The following SLC7A6 variants were observed in gnomAD, a reference collection of about 807,000 sequenced individuals.
The protein encoded by SLC7A6 is Y+L amino acid transporter 2.
In SLC7A6, 29 loss-of-function variants were observed where a neutral mutation model predicts 46.6. The ratio of observed to expected loss-of-function variants is 0.62; its 90% confidence interval spans 0.46 to 0.85. SLC7A6 has a LOEUF of 0.85. Ranked by LOEUF, SLC7A6 falls within the 40% of genes least tolerant of loss-of-function variation. SLC7A6 has a pLI of 0.00. For missense variants in SLC7A6, 527 were observed against 647.6 expected, an observed-to-expected ratio of 0.81 and a Z score of 2.02; for synonymous variants, 276 against 257.3, an observed-to-expected ratio of 1.07 and a Z score of -0.70.
chr16:68,281,063 C>G (rs975431916), intron 3 of SLC7A6, among the ~76,000 whole-genome samples: 2 of 152,204 alleles, frequency 1.3e-5, no homozygotes, highest in Non-Finnish European at 2.9e-5. Flanking sequence ...GGAGTATGGA[C>G]TCCCCAGTCC....
At chr16:68,290,854 G>A (rs957708713) in intron 5 of SLC7A6, 10 of 477,074 alleles carry the variant, frequency 2.1e-5, no homozygotes, top group Admixed American at 3.4e-5. Context: ...ACTACAGCCC[G>A]CAGAACCAAA....
intron 3 of SLC7A6, among the ~76,000 whole-genome samples, chr16:68,286,273 A>G (rs1172959774): frequency 1.3e-5 from 2 of 152,052 alleles, no homozygotes; most frequent in Non-Finnish European, 2.9e-5. Context: ...CAGGAATGCC[A>G]TGTGGTTCAG....
At chr16:68,278,191 G>A (rs913478035) in intron 3 of SLC7A6, among the ~76,000 whole-genome samples, 2 of 151,966 alleles carry the variant, frequency 1.3e-5, no homozygotes, top group Non-Finnish European at 2.9e-5. Context: ...TCTTGACCTC[G>A]TGATCCGCCT....
chr16:68,277,232 G>A (rs2042728168), intron 3 of SLC7A6, among the ~76,000 whole-genome samples: 1 of 151,002 alleles, frequency 6.6e-6, no homozygotes, highest in Admixed American at 6.6e-5. Context: ...GATTACAGGC[G>A]CCCACCACCA....
chr16:68,282,623 A>ATT (rs111778880), intron 3 of SLC7A6, among the ~76,000 whole-genome samples: 5,521 of 137,218 alleles, frequency 0.04, 320 homozygotes, highest in African/African-American at 0.13. Context: ...TTCCTTCCAC[A>ATT]TTTTTTTTTT....
chr16:68,288,743 A>T (rs905496741), intron 4 of SLC7A6, among the ~76,000 whole-genome samples: 9 of 151,874 alleles, frequency 5.9e-5, no homozygotes, highest in Admixed American at 3.3e-4. Context: ...AGGTGGGCGA[A>T]TCAGCAGGTC....
At chr16:68,271,884 C>T (rs957216323) in intron 2 of SLC7A6, among the ~76,000 whole-genome samples, 3 of 152,038 alleles carry the variant, frequency 2.0e-5, no homozygotes, top group Non-Finnish European at 4.4e-5. Context: ...TCACTGCAAC[C>T]TCCGCCTCCC....
At chr16:68,293,703 G>A (rs529922175) in intron 7 of SLC7A6, among the ~76,000 whole-genome samples, 3 of 152,138 alleles carry the variant, frequency 2.0e-5, no homozygotes, top group South Asian at 2.1e-4. Context: ...AAGAGGCCAC[G>A]CTCTTTCATA....
chr16:68,294,937 C>T, intron 8 of SLC7A6, 136 bp downstream of exon 8: 1 of 609,320 alleles, frequency 1.6e-6, no homozygotes, highest in East Asian at 2.9e-5. Flanking sequence ...TTTTTGTTGT[C>T]ATTTAATTCT....
chr16:68,296,385 C>G lies in SLC7A6; in HGVS notation c.1141C>G (p.Leu381Val). The G allele has an allele frequency of 6.2e-7, 1 of 1,614,036 alleles. No homozygotes were observed. Among genetic ancestry groups the G allele is most frequent in the Non-Finnish European group, 8.5e-7 (1 of 1,180,036 alleles). Residue 381 changes from leucine to valine, a missense_variant, in exon 9 of 11, where the codon CTC becomes GTC. Transcript: ENST00000219343. ...LFNCTMALIY[L>V]IVEDVFQLIN... ...ACAGTGCACCATGGCACTCATCTACCTCATCGTGGAGGATGTTTTCCAGCT... is the reference window on the plus strand; with the variant it reads ...ACAGTGCACCATGGCACTCATCTACGTCATCGTGGAGGATGTTTTCCAGCT...
intron 7 of SLC7A6, chr16:68,292,021 G>C: frequency 4.3e-6 from 1 of 234,840 alleles, no homozygotes; most frequent in Non-Finnish European, 8.4e-6. Context: ...GTTTCCATCT[G>C]AGATGAGGAC....
chr16:68,296,468 G>A lies in SLC7A6; in HGVS notation c.1224G>A (p.Gln408=), dbSNP rs1452941630. Residue 408 remains glutamine, a synonymous_variant, in exon 9 of 11, where the codon CAG becomes CAA. Coordinates refer to ENST00000219343, the MANE Select transcript of SLC7A6 (RefSeq NM_003983.6). ...WFFVGLSVVG[Q]LYLRWKEPKR... ...TCGTGGGCCTGTCTGTTGTTGGACA[G>A]CTCTACCTCCGCTGGAAGGAGCCCA... 2.5e-6 allele frequency: 4 copies of A among 1,614,158 alleles called. No individual in the cohort carries two copies. The highest frequency in any genetic ancestry group is 2.2e-5 in the South Asian group (2 of 91,088).
rs184627807 is a variant in SLC7A6, at chr16:68,277,969, T to C, written c.523+2720T>C. Among the ~76,000 whole-genome samples, 7 of 150,920 alleles carry C rather than the reference T, an allele frequency of 4.6e-5. No individual in the cohort carries two copies. In the East Asian group the frequency reaches 1.4e-3, roughly 30 times the overall value. On this transcript the variant is annotated intron_variant, in intron 3 of 10. Coordinates refer to ENST00000219343, the MANE Select transcript of SLC7A6 (RefSeq NM_003983.6). The stretch of plus-strand genomic sequence containing the variant: ...TATTTTTCTTTTTTGAGACCGAGTC[T>C]TGCTCTGTCGCCTAGGCTGGAGTAC...
In SLC7A6 at chr16:68,297,552, C is replaced by A; in HGVS notation, c.*224C>A. Reference sequence around the variant, plus strand: ...AGAGGGTGGGGGGAAGATTGGGGAACGGGGGGAATGGTCATTTAGTTTTAC... The same window carrying A: ...AGAGGGTGGGGGGAAGATTGGGGAAAGGGGGGAATGGTCATTTAGTTTTAC... On this transcript the variant is annotated 3_prime_UTR_variant, in exon 11 of 11. Transcript: ENST00000219343. 8.5e-6 allele frequency: 3 copies of A among 351,792 alleles called. No individual in the cohort carries two copies. Among genetic ancestry groups the A allele is most frequent in the South Asian group, 7.4e-5 (1 of 13,514 alleles). 21.8% of individuals were successfully genotyped at this position (351,792 alleles called of 1,614,324 possible).
Position 68,298,311 on chromosome 16 carries a change from A to T in SLC7A6, c.*983A>T, listed in dbSNP as rs2151235837. ...TCAGGTGGATCACCTGAATTCTCTC[A>T]GCTGTCAATGGCTTGGAGAACATCT... On this transcript the variant is annotated 3_prime_UTR_variant, in exon 11 of 11. Transcript: ENST00000219343. 1 of 152,798 alleles carries T rather than the reference A, an allele frequency of 6.5e-6. No homozygotes were observed. The highest frequency in any genetic ancestry group is 1.5e-5 in the Non-Finnish European group (1 of 68,042). 9.5% of individuals were successfully genotyped at this position (152,798 alleles called of 1,614,324 possible).
intron 3 of SLC7A6, among the ~76,000 whole-genome samples, chr16:68,275,591 G>T (rs2042698227): frequency 1.4e-5 from 1 of 72,192 alleles, no homozygotes; most frequent in African/African-American, 7.2e-5. Context: ...GCAAAACTCT[G>T]TCTCCAAAAA....
rs372795612 is a variant in SLC7A6, at chr16:68,296,416, A to G, written c.1172A>G (p.Asn391Ser). 1.2e-6 allele frequency: 2 copies of G among 1,614,064 alleles called. No individual in the cohort carries two copies. Among genetic ancestry groups the G allele is most frequent in the Non-Finnish European group, 1.7e-6 (2 of 1,180,000 alleles). The change falls in exon 9 of 11, where the codon AAC becomes AGC. Residue 391 changes from asparagine (N) to serine (S), a missense_variant. By Grantham distance (46) the Asn-to-Ser change is conservative. Transcript: ENST00000219343. ...LIVEDVFQLI[N>S]YFSFSYWFFV... is the part of the protein sequence containing the mutation. ...GTGGAGGATGTTTTCCAGCTTATCAACTACTTCAGCTTCAGCTACTGGTTC... is the reference window on the plus strand; with the variant it reads ...GTGGAGGATGTTTTCCAGCTTATCAGCTACTTCAGCTTCAGCTACTGGTTC...
chr16:68,292,946 A>G (rs2043086852), intron 7 of SLC7A6, among the ~76,000 whole-genome samples: 2 of 152,196 alleles, frequency 1.3e-5, no homozygotes, highest in African/African-American at 4.8e-5. Flanking sequence ...TGTTGTCCCC[A>G]GGGCCGGGGG....
At chr16:68,270,468 A>G (rs1394018812) in intron 2 of SLC7A6, among the ~76,000 whole-genome samples, 1 of 152,088 alleles carries the variant, frequency 6.6e-6, no homozygotes, top group Admixed American at 6.5e-5. Context: ...TTTCCCTCCC[A>G]TAAGCCAGCA....
Sources: allele counts gnomAD v4.1 joint callset (sites outside exome capture counted in the v4.1 genomes callset), GRCh38; gene constraint gnomAD v4.1.1; transcripts MANE v1.5; gene names NCBI Gene and HGNC (gene_info 2026-07-23, HGNC 2026-07-21).